CNTNAP3B: variants seen among roughly 807,000 people sequenced by gnomAD.
CNTNAP3B encodes contactin-associated protein-like 3B.
Under a neutral mutation model 108.9 loss-of-function variants are expected in CNTNAP3B, and 25 were observed. The ratio of observed to expected loss-of-function variants is 0.23; its 90% CI spans 0.17 to 0.32. CNTNAP3B has a LOEUF of 0.32. Ranked by LOEUF, CNTNAP3B falls within the 10% of genes least tolerant of loss-of-function variation. CNTNAP3B has a pLI of 1.00. For missense variants in CNTNAP3B, 252 were observed against 1,210.4 expected (o/e 0.21, Z 11.75); for synonymous variants, 103 against 473.4 (o/e 0.22, Z 10.16).
Position 41,939,206 on chromosome 9 carries a change from G to C in CNTNAP3B, c.2081-806C>G, listed in dbSNP as rs1480948610. Among the ~76,000 whole-genome samples the C allele has an allele frequency of 2.0e-5, 3 of 152,400 alleles. No homozygotes were observed. In the East Asian group the frequency reaches 5.8e-4, roughly 29 times the overall value. ...AGTTAGGATAATTTAAAAAGCAGGTGTCAGGCCACCTATCTTAAAAAAGGA... is the reference window on the plus strand; with the variant it reads ...AGTTAGGATAATTTAAAAAGCAGGTCTCAGGCCACCTATCTTAAAAAAGGA... On this transcript the variant is annotated intron_variant, in intron 13 of 23. Coordinates refer to ENST00000377561, the MANE Select transcript of CNTNAP3B (RefSeq NM_001201380.3).
chr9:41,923,045 G>A (rs1823712765), intron 16 of CNTNAP3B, 150 bp from the exon 17 acceptor site: 1 of 619,590 alleles, frequency 1.6e-6, no homozygotes, highest in African/African-American at 2.4e-5. Flanking sequence ...GGTGGGGGCA[G>A]AATAAATCTG....
intron 3 of CNTNAP3B, among the ~76,000 whole-genome samples, chr9:42,046,380 T>C (rs1826876550): frequency 9.0e-6 from 1 of 110,544 alleles, no homozygotes; most frequent in South Asian, 3.1e-4. Flanking sequence ...ATGGAGGTAA[T>C]GGTGATTACT....
chr9:41,959,857 G>A (rs1825008217), intron 12 of CNTNAP3B: 1 of 152,300 alleles, frequency 6.6e-6, no homozygotes. Context: ...CACAATAAAT[G>A]AGAACAGTTT....
At chr9:41,935,217 G>A (rs1281635499) in intron 14 of CNTNAP3B, among the ~76,000 whole-genome samples, 1 of 152,284 alleles carries the variant, frequency 6.6e-6, no homozygotes, top group Admixed American at 6.5e-5. Context: ...CTGTGCCTGA[G>A]GAACTGTCTG....
chr9:42,061,317 CTT>C (rs57755649), intron 3 of CNTNAP3B, among the ~76,000 whole-genome samples: 25,299 of 91,266 alleles, frequency 0.28, 497 homozygotes, highest in East Asian at 0.38. Flanking sequence ...TTTTCTTTTT[CTT>C]TTTTTTTTTT....
intron 2 of CNTNAP3B, among the ~76,000 whole-genome samples, chr9:42,086,617 G>T (rs1827711054): frequency 1.1e-5 from 1 of 89,224 alleles, no homozygotes; most frequent in Non-Finnish European, 2.1e-5. Context: ...GCTAATTTTT[G>T]TATTTTTAGT....
Position 42,097,927 on chromosome 9 carries a change from G to A in CNTNAP3B, c.196+6702C>T, listed in dbSNP as rs1217055605. Among the ~76,000 whole-genome samples, 3 of 138,410 alleles carry A rather than the reference G, an allele frequency of 2.2e-5. 1 individual carries two copies. Among genetic ancestry groups the A allele is most frequent in the African/African-American group, 8.6e-5 (3 of 34,728 alleles). The allele number at this position is 138,410 out of a possible 152,430, so 90.8% of individuals were successfully genotyped here. A position where few individuals can be genotyped will look rare whatever the true frequency, so the allele number is the denominator to read the frequency against. ...TCATGGGACTTTCAAAATAATCCAAGTGAGACATGAAGAGACTAAGCTGAG... is the reference window on the plus strand; with the variant it reads ...TCATGGGACTTTCAAAATAATCCAAATGAGACATGAAGAGACTAAGCTGAG... On this transcript the variant is annotated intron_variant, in intron 2 of 23. Coordinates refer to ENST00000377561, the MANE Select transcript of CNTNAP3B (RefSeq NM_001201380.3).
rs1201965013 is a variant in CNTNAP3B, at chr9:42,129,101, T to G, written c.-7A>C. On this transcript the variant is annotated 5_prime_UTR_variant, in exon 1 of 24. Coordinates refer to ENST00000377561, the MANE Select transcript of CNTNAP3B (RefSeq NM_001201380.3). ...CCCAGGCCACTGAAGCCATGCTCACTTCAGCCAGGCGCCCTGAGACCCGGG... is the reference window on the plus strand; with the variant it reads ...CCCAGGCCACTGAAGCCATGCTCACGTCAGCCAGGCGCCCTGAGACCCGGG... 20 of 1,594,026 alleles carry G rather than the reference T, an allele frequency of 1.3e-5. No homozygotes were observed. Among genetic ancestry groups the G allele is most frequent in the Admixed American group, 1.7e-5 (1 of 58,792 alleles).
intron 15 of CNTNAP3B, among the ~76,000 whole-genome samples, chr9:41,925,704 T>C (rs1823799525): frequency 6.6e-6 from 1 of 152,306 alleles, no homozygotes; most frequent in African/African-American, 2.4e-5. Flanking sequence ...TTGTATTCTA[T>C]TCAATGGTTT....
At chr9:41,965,144 G>A (rs570304782) in intron 10 of CNTNAP3B, among the ~76,000 whole-genome samples, 35 of 152,390 alleles carry the variant, frequency 2.3e-4, no homozygotes, top group African/African-American at 7.0e-4. Flanking sequence ...ATAAGCAGTC[G>A]GTTATTGCTT....
chr9:42,080,196 C>T (rs28542093), intron 2 of CNTNAP3B, among the ~76,000 whole-genome samples: 59,110 of 135,730 alleles, frequency 0.44, 17,371 homozygotes, highest in East Asian at 0.71. Flanking sequence ...CTCTTCTCGG[C>T]ATCCCTCACA....
At chr9:41,970,843 G>A (rs1205592358) in intron 9 of CNTNAP3B, among the ~76,000 whole-genome samples, 6 of 139,922 alleles carry the variant, frequency 4.3e-5, no homozygotes, top group African/African-American at 1.1e-4. Context: ...ACTTTCTTTG[G>A]TATTAGGTAC....
At chr9:41,932,756 G>A (rs1824019164) in intron 14 of CNTNAP3B, among the ~76,000 whole-genome samples, 1 of 151,806 alleles carries the variant, frequency 6.6e-6, no homozygotes, top group Admixed American at 6.6e-5. Flanking sequence ...CTGACTTCAT[G>A]ATCTGCCCGC....
intron 3 of CNTNAP3B, among the ~76,000 whole-genome samples, chr9:42,039,129 A>C (rs1378796783): frequency 2.0e-5 from 3 of 152,242 alleles, no homozygotes; most frequent in East Asian, 3.9e-4. Context: ...CCACAAAAGA[A>C]AGCAGGAAAG....
At chr9:41,943,801 T>A (rs1170130423) in intron 13 of CNTNAP3B, among the ~76,000 whole-genome samples, 1 of 152,264 alleles carries the variant, frequency 6.6e-6, no homozygotes, top group Non-Finnish European at 1.5e-5. Context: ...AAACCATAGG[T>A]TCAGGAATCT....
In CNTNAP3B at chr9:42,029,777, C is replaced by T. The variant is rs1370668702; in HGVS notation, c.391-16252G>A. Among the ~76,000 whole-genome samples the T allele has an allele frequency of 1.9e-5, 2 of 106,684 alleles. 1 individual carries two copies. Among genetic ancestry groups the T allele is most frequent in the African/African-American group, 8.2e-5 (2 of 24,454 alleles). The allele number at this position is 106,684 out of a possible 152,430, so 70.0% of individuals were successfully genotyped here. A position where few individuals can be genotyped will look rare whatever the true frequency, so the allele number is the denominator to read the frequency against. ...AACTCCTGACCTCGTGATCTGCCCA[C>T]CTTGGCCTCCCAAAGTGCTGGGATT... On this transcript the variant is annotated intron_variant, in intron 3 of 23. Coordinates refer to ENST00000377561, the MANE Select transcript of CNTNAP3B (RefSeq NM_001201380.3).
At chr9:41,961,883 T>C (rs906293832) in intron 11 of CNTNAP3B, among the ~76,000 whole-genome samples, 2 of 152,306 alleles carry the variant, frequency 1.3e-5, no homozygotes, top group Non-Finnish European at 2.9e-5. Flanking sequence ...CTGCAGGAGA[T>C]GGACATTGCT....
rs1163293976 is a variant in CNTNAP3B at position 41,978,024 on chromosome 9, C to A, written c.1478-7779G>T. On this transcript the variant is annotated intron_variant, in intron 9 of 23. Coordinates refer to ENST00000377561, the MANE Select transcript of CNTNAP3B (RefSeq NM_001201380.3). ...AAATGCAAAACTATACTAATACTCT[C>A]AAGAAGCACCTCAAGCATTGATTAG... Among the ~76,000 whole-genome samples the A allele has an allele frequency of 4.0e-5, 5 of 123,624 alleles. 1 individual carries two copies. Among genetic ancestry groups the A allele is most frequent in the African/African-American group, 6.6e-5 (2 of 30,164 alleles). The allele number at this position is 123,624 out of a possible 152,430, so 81.1% of individuals were successfully genotyped here.
chr9:41,979,545 C>T (rs1292905677), intron 9 of CNTNAP3B: 4 of 39,032 alleles, frequency 1.0e-4, no homozygotes, highest in Admixed American at 3.6e-4. Flanking sequence ...TTACTTCACT[C>T]GAAGGCCATA....
Sources: allele counts gnomAD v4.1 joint callset (sites outside exome capture counted in the v4.1 genomes callset), GRCh38; gene constraint gnomAD v4.1.1; transcripts MANE v1.5; gene names NCBI Gene and HGNC (gene_info 2026-07-23, HGNC 2026-07-21).